The following PDGFRA variants were observed in gnomAD, a reference collection of about 807,000 sequenced individuals.
PDGFRA encodes the protein platelet derived growth factor receptor alpha.
PDGFRA carries 25 observed loss-of-function variants against 121.5 expected under a neutral mutation model. The ratio of observed to expected loss-of-function variants is 0.21; its 90% CI spans 0.15 to 0.29. The LOEUF (loss-of-function observed/expected upper bound fraction) is 0.29, where lower values mean the gene tolerates loss of function less well. Ranked by LOEUF, PDGFRA falls within the 10% of genes least tolerant of loss-of-function variation. PDGFRA has a pLI of 1.00. For synonymous variants in PDGFRA, 463 were observed against 494.8 expected (o/e 0.94, Z 0.85); for missense variants, 1,008 against 1,345.1 (o/e 0.75, Z 3.92).
chr4:54,234,233 AGCCAT>A (rs1720879628), intron 1 of PDGFRA, among the ~76,000 whole-genome samples: 1 of 150,852 alleles, frequency 6.6e-6, no homozygotes, highest in African/African-American at 2.5e-5. Context: ...GAGGAGATTT[AGCCAT>A]TTTCAACAGC....
At chr4:54,287,672 C>T (rs1025935547) in intron 19 of PDGFRA, 131 bp downstream of exon 19, 3 of 712,596 alleles carry the variant, frequency 4.2e-6, no homozygotes, top group Non-Finnish European at 7.7e-6. Context: ...CTGCAGCCAC[C>T]TCAAACCACA....
At chr4:54,252,830 T>A (rs984162832) in intron 1 of PDGFRA, among the ~76,000 whole-genome samples, 1 of 151,302 alleles carries the variant, frequency 6.6e-6, no homozygotes, top group African/African-American at 2.4e-5. Flanking sequence ...GAGAAGAATG[T>A]CTTGCTGTTA....
intron 10 of PDGFRA, among the ~76,000 whole-genome samples, 185 bp from the exon 11 acceptor site, chr4:54,274,346 G>A (rs1445208683): frequency 6.6e-6 from 1 of 152,190 alleles, no homozygotes; most frequent in Non-Finnish European, 1.5e-5. Context: ...AAGAGTTGAT[G>A]TAGTTTCCTG....
At chr4:54,230,849 C>G (rs369236159) in intron 1 of PDGFRA, among the ~76,000 whole-genome samples, 1 of 152,210 alleles carries the variant, frequency 6.6e-6, no homozygotes, top group Non-Finnish European at 1.5e-5. Flanking sequence ...GATTTACACA[C>G]GAAATTAACT....
rs1225883206 is a variant in PDGFRA, at chr4:54,274,541, T to C, written c.1569T>C (p.Ser523=). The C allele has an allele frequency of 1.2e-6, 2 of 1,613,164 alleles. No individual in the cohort carries two copies. The highest frequency in any genetic ancestry group is 1.7e-6 in the Non-Finnish European group (2 of 1,179,338). The change falls in exon 11 of 23, where the codon TCT becomes TCC. Residue 523 remains serine, a synonymous_variant. Transcript: ENST00000257290. ...ELKLVAPTLR[S]ELTVAAAVLV... is the part of the protein sequence containing the mutation. ...TCTCTTGTCACGTAGCCCTGCGTTC[T>C]GAACTCACGGTGGCTGCTGCAGTCC...
At chr4:54,247,883 A>G (rs1044714653) in intron 1 of PDGFRA, among the ~76,000 whole-genome samples, 6 of 152,232 alleles carry the variant, frequency 3.9e-5, no homozygotes, top group Admixed American at 3.3e-4. Context: ...GTCTCAGGAT[A>G]CAAAATCAAT....
At chr4:54,258,273 A>T (rs557331736) in intron 1 of PDGFRA, among the ~76,000 whole-genome samples, 1 of 152,056 alleles carries the variant, frequency 6.6e-6, no homozygotes, top group East Asian at 1.9e-4. Flanking sequence ...CAGTATCACA[A>T]AGGCCTCCTG....
chr4:54,274,502 T>C (rs2110295790), intron 10 of PDGFRA, 29 bp from the exon 11 acceptor site: 1 of 1,558,010 alleles, frequency 6.4e-7, no homozygotes, highest in Non-Finnish European at 8.8e-7. Flanking sequence ...AGGAAACTTT[T>C]CATTGTGCCT....
chr4:54,234,571 G>C (rs188559694), intron 1 of PDGFRA, among the ~76,000 whole-genome samples: 30 of 152,272 alleles, frequency 2.0e-4, no homozygotes, highest in Admixed American at 1.3e-3. Flanking sequence ...TTCTTTTGCT[G>C]TGAGGCTACA....
chr4:54,281,722 C>T, intron 16 of PDGFRA: 4 of 1,355,690 alleles, frequency 3.0e-6, no homozygotes, highest in Non-Finnish European at 3.9e-6. Flanking sequence ...CTACTCTTCA[C>T]TTGCTGAACA....
At chr4:54,294,516 A>ATCACACAG (rs1294906657) in intron 22 of PDGFRA, among the ~76,000 whole-genome samples, 1 of 152,146 alleles carries the variant, frequency 6.6e-6, no homozygotes, top group Non-Finnish European at 1.5e-5. Context: ...CTTGTGTGGC[A>ATCACACAG]TCACACAGCT....
intron 8 of PDGFRA, among the ~76,000 whole-genome samples, chr4:54,271,410 C>A (rs913980185): frequency 1.3e-5 from 2 of 152,170 alleles, no homozygotes; most frequent in South Asian, 2.1e-4. Flanking sequence ...TAATAACATA[C>A]CACAGATGCA....
intron 22 of PDGFRA, among the ~76,000 whole-genome samples, chr4:54,293,840 T>C (rs1724748859): frequency 6.6e-6 from 1 of 151,912 alleles, no homozygotes; most frequent in Non-Finnish European, 1.5e-5. Context: ...CCGCTGTCTT[T>C]GCATGGCCCT....
intron 1 of PDGFRA, among the ~76,000 whole-genome samples, chr4:54,251,408 T>C (rs1722049765): frequency 1.3e-5 from 2 of 152,218 alleles, no homozygotes; most frequent in African/African-American, 4.8e-5. Context: ...ACCTGATTTC[T>C]CCAGAATTTG....
Position 54,295,486 on chromosome 4 carries a change from G to C in PDGFRA, c.*214G>C, listed in dbSNP as rs1724840120. The C allele has an allele frequency of 1.8e-6, 1 of 570,682 alleles. No homozygotes were observed. The highest frequency in any genetic ancestry group is 3.1e-6 in the Non-Finnish European group (1 of 317,492). 35.4% of individuals were successfully genotyped at this position (570,682 alleles called of 1,614,324 possible). ...TGTTGCCTCTTGCAATGCCTCAGTAGCATCTCAGTGGTGTGTGAAGTTTGG... is the reference window on the plus strand; with the variant it reads ...TGTTGCCTCTTGCAATGCCTCAGTACCATCTCAGTGGTGTGTGAAGTTTGG... On this transcript the variant is annotated 3_prime_UTR_variant, in exon 23 of 23. Coordinates refer to ENST00000257290, the MANE Select transcript of PDGFRA (RefSeq NM_006206.6).
Position 54,278,494 on chromosome 4 carries a change from CT to C in PDGFRA, c.2136del (p.Ala713LeufsTer22). The C allele has an allele frequency of 6.2e-7, 1 of 1,614,056 alleles. No individual in the cohort carries two copies. Among genetic ancestry groups the C allele is most frequent in the Non-Finnish European group, 8.5e-7 (1 of 1,179,984 alleles). ...KKELDIFGLN[P>X]ADESTRSYVI... is the part of the protein sequence containing the mutation. ...GAGCTGGATATCTTTGGATTGAACC[CT>C]GCTGATGAAAGCACACGGAGGTGGG... On this transcript the variant is annotated frameshift_variant, in exon 15 of 23. Transcript: ENST00000257290. LOFTEE classifies it high-confidence loss of function.
chr4:54,248,435 T>C (rs1721827636), intron 1 of PDGFRA, among the ~76,000 whole-genome samples: 1 of 152,204 alleles, frequency 6.6e-6, no homozygotes, highest in Non-Finnish European at 1.5e-5. Flanking sequence ...ATCTGATCTT[T>C]GACAAACCTG....
chr4:54,247,968 A>G (rs1018245679), intron 1 of PDGFRA, among the ~76,000 whole-genome samples: 29 of 152,194 alleles, frequency 1.9e-4, no homozygotes, highest in Non-Finnish European at 4.0e-4. Flanking sequence ...CCCATTCACA[A>G]TTGCTTCAAA....
intron 12 of PDGFRA, 69 bp from the exon 13 acceptor site, chr4:54,277,319 T>C (rs781171045): frequency 1.1e-4 from 109 of 1,028,632 alleles, no homozygotes; most frequent in Admixed American, 2.9e-4. Flanking sequence ...CGCAGAGAGC[T>C]GGCTACGGTG....
Sources: gnomAD v4.1 joint callset for allele counts (sites outside exome capture counted in the v4.1 genomes callset) on GRCh38, gnomAD v4.1.1 for gene constraint, MANE v1.5 for transcripts, NCBI Gene and HGNC (gene_info 2026-07-23, HGNC 2026-07-21) for gene names.